The following WDR64 variants were observed in gnomAD, a reference collection of about 807,000 sequenced individuals.
WDR64 encodes the protein WD repeat-containing protein 64.
WDR64 carries 112 observed loss-of-function variants against 139.3 expected under a neutral mutation model. The observed-to-expected ratio is 0.80, with a 90% CI of 0.69 to 0.94. The LOEUF is 0.94. Ranked by LOEUF, WDR64 falls within the 40% of genes least tolerant of loss-of-function variation. The pLI, the probability that WDR64 is intolerant of heterozygous loss-of-function variation, is 0.00. For missense variants in WDR64, 1,206 were observed against 1,293.1 expected, an observed-to-expected ratio of 0.93 and a Z score of 1.03; for synonymous variants, 444 against 437.7, an observed-to-expected ratio of 1.01 and a Z score of -0.18.
chr1:241,714,170 A>G (rs1330856148), intron 9 of WDR64, among the ~76,000 whole-genome samples: 1 of 152,212 alleles, frequency 6.6e-6, no homozygotes, highest in Non-Finnish European at 1.5e-5. Context: ...GTGGCCTTGT[A>G]AAAGACAGAA....
At chr1:241,798,866 T>C (rs1267164380) in intron 27 of WDR64, among the ~76,000 whole-genome samples, 1 of 152,130 alleles carries the variant, frequency 6.6e-6, no homozygotes, top group African/African-American at 2.4e-5. Flanking sequence ...CAACACATTA[T>C]AAAATATTAA....
In WDR64 at chr1:241,757,386, G is replaced by C. The variant is rs1670238348; in HGVS notation, c.1874G>C (p.Arg625Thr). ...KHAVHLRMSTRDRNMAIPFPD... is the reference protein window; with the variant it reads ...KHAVHLRMSTTDRNMAIPFPD... Reference sequence around the variant, plus strand: ...GCTGTGCATCTGAGAATGTCTACTAGAGACAGGAACATGGCTATTCCTTTC... The same window carrying C: ...GCTGTGCATCTGAGAATGTCTACTACAGACAGGAACATGGCTATTCCTTTC... Residue 625 changes from arginine (R) to threonine (T), a missense_variant, in exon 15 of 28, where the codon AGA becomes ACA. By Grantham distance (71) the Arg-to-Thr change is moderately conservative. Coordinates refer to ENST00000437684, the MANE Select transcript of WDR64 (RefSeq NM_001367482.1). 6.2e-7 allele frequency: 1 copy of C among 1,613,938 alleles called. No homozygotes were observed. The highest frequency in any genetic ancestry group is 1.3e-5 in the African/African-American group (1 of 74,924).
intron 9 of WDR64, among the ~76,000 whole-genome samples, chr1:241,715,587 C>T (rs1244188303): frequency 6.6e-6 from 1 of 152,206 alleles, no homozygotes; most frequent in Non-Finnish European, 1.5e-5. Flanking sequence ...TATTAGCCCT[C>T]TTCCTCTTTC....
chr1:241,735,973 C>T (rs1244192340), intron 10 of WDR64, among the ~76,000 whole-genome samples: 1 of 151,870 alleles, frequency 6.6e-6, no homozygotes, highest in East Asian at 1.9e-4. Context: ...CGTCCCTGAG[C>T]CAGAGGTTAC....
At chr1:241,689,706 G>A (rs937667682) in intron 8 of WDR64, among the ~76,000 whole-genome samples, 1 of 152,134 alleles carries the variant, frequency 6.6e-6, no homozygotes, top group African/African-American at 2.4e-5. Flanking sequence ...ACAGGCTAAG[G>A]GCTCGGATAA....
In WDR64 at chr1:241,787,884, A is replaced by G. The variant is rs1276053476; in HGVS notation, c.2741A>G (p.Tyr914Cys). 1.2e-6 allele frequency: 2 copies of G among 1,607,546 alleles called. No homozygotes were observed. Among genetic ancestry groups the G allele is most frequent in the African/African-American group, 1.3e-5 (1 of 74,418 alleles). Residue 914 changes from tyrosine to cysteine, a missense_variant, in exon 24 of 28, where the codon TAT becomes TGT. Physicochemically the swap from Tyr to Cys is radical, Grantham distance 194. Transcript: ENST00000437684. The stretch of plus-strand genomic sequence containing the variant: ...GCCCTCAATGGACATTATTGTGGAT[A>G]TTTTGGACAGCGAAGGCTCTTTGAA... ...WHALNGHYCG[Y>C]FGQRRLFELS...
intron 3 of WDR64, among the ~76,000 whole-genome samples, chr1:241,674,114 T>C (rs1666359228): frequency 6.6e-6 from 1 of 152,116 alleles, no homozygotes; most frequent in Non-Finnish European, 1.5e-5. Flanking sequence ...CACATTTAGT[T>C]AGAAAGCTCT....
Position 241,674,683 on chromosome 1 carries a change from T to C in WDR64, c.419T>C (p.Ile140Thr), listed in dbSNP as rs1020556156. The change falls in exon 4 of 28, where the codon ATA becomes ACA. Residue 140 changes from isoleucine (I) to threonine (T), a missense_variant. Transcript: ENST00000437684. ...RRDVIKSIVK[I>T]PHLDLLITAT... ...GATGTGATTAAGAGCATTGTCAAGA[T>C]ACCTCACCTGGATTTACTAATAACA... The C allele has an allele frequency of 1.4e-5, 21 of 1,550,426 alleles. No individual in the cohort carries two copies. Among genetic ancestry groups the C allele is most frequent in the South Asian group, 2.4e-5 (2 of 83,990 alleles).
Position 241,775,124 on chromosome 1 carries a change from T to C in WDR64, c.2450T>C (p.Met817Thr), listed in dbSNP as rs959915952. 6.4e-7 allele frequency: 1 copy of C among 1,550,714 alleles called. No homozygotes were observed. Among genetic ancestry groups the C allele is most frequent in the Admixed American group, 2.0e-5 (1 of 51,002 alleles). Reference protein sequence around the residue: ...WTLEGRLLKDMLPFTKHSAIS... With the variant: ...WTLEGRLLKDTLPFTKHSAIS... ...ATTTAGGGAAGACTACTGAAAGATA[T>C]GCTACCTTTCACAAAACATTCTGCC... Residue 817 changes from methionine to threonine, a missense_variant, in exon 21 of 28, where the codon ATG (methionine) becomes ACG (threonine). Physicochemically the swap from Met to Thr is moderately conservative, Grantham distance 81. Transcript: ENST00000437684.
At chr1:241,795,107 C>A in intron 25 of WDR64, 100 bp from the exon 26 acceptor site, 1 of 972,648 alleles carries the variant, frequency 1.0e-6, no homozygotes, top group Non-Finnish European at 1.6e-6. Context: ...CCCTTAAGAT[C>A]ACACATCTAA....
chr1:241,755,412 G>T (rs1484792908), intron 14 of WDR64, among the ~76,000 whole-genome samples: 4 of 152,096 alleles, frequency 2.6e-5, no homozygotes, highest in East Asian at 3.9e-4. Flanking sequence ...TGTTAATGGG[G>T]TTGTTTTTTT....
At chr1:241,762,170 G>C (rs544000592) in intron 15 of WDR64, among the ~76,000 whole-genome samples, 130 of 151,928 alleles carry the variant, frequency 8.6e-4, no homozygotes, top group African/African-American at 3.0e-3. Flanking sequence ...AGACTTGAAG[G>C]TCAAAATTTC....
intron 8 of WDR64, among the ~76,000 whole-genome samples, chr1:241,707,241 ATGT>A (rs1440570382): frequency 6.6e-6 from 1 of 152,082 alleles, no homozygotes; most frequent in Non-Finnish European, 1.5e-5. Flanking sequence ...GCACTCATAA[ATGT>A]TGTTGACTCA....
chr1:241,756,659 G>A (rs1311497074), intron 14 of WDR64, among the ~76,000 whole-genome samples: 1 of 152,180 alleles, frequency 6.6e-6, no homozygotes, highest in Non-Finnish European at 1.5e-5. Flanking sequence ...CCTGGTGAGA[G>A]TGAACATAGC....
chr1:241,751,184 A>G (rs2148265155), intron 14 of WDR64, among the ~76,000 whole-genome samples: 1 of 152,304 alleles, frequency 6.6e-6, no homozygotes, highest in South Asian at 2.1e-4. Flanking sequence ...TGATCCACCT[A>G]CTACAAGTGT....
chr1:241,786,609 G>T (rs1659046120), intron 23 of WDR64, among the ~76,000 whole-genome samples: 1 of 152,138 alleles, frequency 6.6e-6, no homozygotes, highest in Non-Finnish European at 1.5e-5. Flanking sequence ...CACAATAGTA[G>T]CAGCTGTGGA....
intron 8 of WDR64, among the ~76,000 whole-genome samples, chr1:241,688,998 T>G (rs1005375858): frequency 3.3e-5 from 5 of 151,992 alleles, no homozygotes; most frequent in Non-Finnish European, 5.9e-5. Context: ...GTTATCAGAG[T>G]CTAAGCTATT....
intron 8 of WDR64, among the ~76,000 whole-genome samples, chr1:241,694,817 C>A (rs188972487): frequency 1.3e-5 from 2 of 152,264 alleles, no homozygotes; most frequent in East Asian, 3.9e-4. Flanking sequence ...CAACCAGAAA[C>A]TTATACAGGT....
chr1:241,770,068 G>A (rs181634005), intron 17 of WDR64, among the ~76,000 whole-genome samples: 10 of 152,320 alleles, frequency 6.6e-5, no homozygotes, highest in Middle Eastern at 3.4e-3. Flanking sequence ...AAGCTTCTGT[G>A]CTGGTTTGGG....
Sources: gnomAD v4.1 joint callset for allele counts (sites outside exome capture counted in the v4.1 genomes callset) on GRCh38, gnomAD v4.1.1 for gene constraint, MANE v1.5 for transcripts, NCBI Gene and HGNC (gene_info 2026-07-23, HGNC 2026-07-21) for gene names.